The following SLC24A3 variants were observed in gnomAD, a reference collection of about 807,000 sequenced individuals.
SLC24A3 encodes sodium/potassium/calcium exchanger 3.
In SLC24A3, 28 loss-of-function variants were observed where a neutral mutation model predicts 75.8. That is an observed-to-expected ratio of 0.37 (90% CI 0.27 to 0.51). SLC24A3 has a LOEUF of 0.51. Ranked by LOEUF, SLC24A3 falls within the 20% of genes least tolerant of loss-of-function variation. SLC24A3 has a pLI of 0.94. For synonymous variants in SLC24A3, 372 were observed against 334.1 expected, an observed-to-expected ratio of 1.11 and a Z score of -1.24; for missense variants, 663 against 847.8, an observed-to-expected ratio of 0.78 and a Z score of 2.71.
intron 11 of SLC24A3, 37 bp downstream of exon 11, chr20:19,684,373 G>C (rs758681646): frequency 6.3e-7 from 1 of 1,587,138 alleles, no homozygotes; most frequent in South Asian, 1.1e-5. Context: ...CCACTGGACA[G>C]GGGTGGGAAA....
At chr20:19,445,054 A>AG (rs1338460892) in intron 2 of SLC24A3, among the ~76,000 whole-genome samples, 2 of 152,210 alleles carry the variant, frequency 1.3e-5, no homozygotes, top group African/African-American at 2.4e-5. Context: ...AAAAATACAA[A>AG]GATAACACAC....
At chr20:19,547,607 G>A (rs1032180686) in intron 3 of SLC24A3, among the ~76,000 whole-genome samples, 9 of 152,180 alleles carry the variant, frequency 5.9e-5, no homozygotes, top group African/African-American at 1.9e-4. Context: ...GCGTTCACTC[G>A]GCTGCTGTCA....
chr20:19,314,162 G>T (rs934336528), intron 2 of SLC24A3, among the ~76,000 whole-genome samples: 5 of 152,066 alleles, frequency 3.3e-5, no homozygotes, highest in Non-Finnish European at 5.9e-5. Context: ...TTGCTGTAAG[G>T]TCCCAGGCCT....
chr20:19,251,739 T>A (rs947734991), intron 1 of SLC24A3, among the ~76,000 whole-genome samples: 1 of 152,260 alleles, frequency 6.6e-6, no homozygotes, highest in Non-Finnish European at 1.5e-5. Flanking sequence ...CCTCTCAGTT[T>A]GTCTGTGCTG....
chr20:19,428,482 G>A (rs1987050005), intron 2 of SLC24A3, among the ~76,000 whole-genome samples: 1 of 152,214 alleles, frequency 6.6e-6, no homozygotes. Flanking sequence ...GGATGTGGAG[G>A]AAGTTCCACA....
chr20:19,403,550 T>C (rs1340228139), intron 2 of SLC24A3, among the ~76,000 whole-genome samples: 1 of 152,188 alleles, frequency 6.6e-6, no homozygotes. Flanking sequence ...TATTTAATTA[T>C]AGTATAACTA....
At chr20:19,440,779 C>A (rs926485709) in intron 2 of SLC24A3, among the ~76,000 whole-genome samples, 3 of 151,662 alleles carry the variant, frequency 2.0e-5, no homozygotes, top group African/African-American at 7.3e-5. Context: ...ATGAGAGTGT[C>A]CAGGGTTCTG....
chr20:19,496,167 A>G (rs1266314875), intron 2 of SLC24A3, among the ~76,000 whole-genome samples: 1 of 152,120 alleles, frequency 6.6e-6, no homozygotes, highest in Non-Finnish European at 1.5e-5. Context: ...TGGCTTCTGC[A>G]CTTCTGGCCT....
chr20:19,356,418 C>T (rs1276816619), intron 2 of SLC24A3, among the ~76,000 whole-genome samples: 3 of 152,166 alleles, frequency 2.0e-5, no homozygotes, highest in Non-Finnish European at 2.9e-5. Context: ...TGTTTTTAAA[C>T]TTTGAGTGAA....
At chr20:19,668,075 A>G (rs1427589516) in intron 8 of SLC24A3, among the ~76,000 whole-genome samples, 3 of 144,460 alleles carry the variant, frequency 2.1e-5, no homozygotes, top group Non-Finnish European at 4.5e-5. Context: ...CTTCCAGGGA[A>G]GAATTGGCCT....
At chr20:19,225,803 A>T (rs1269617610) in intron 1 of SLC24A3, among the ~76,000 whole-genome samples, 1 of 152,148 alleles carries the variant, frequency 6.6e-6, no homozygotes, top group East Asian at 1.9e-4. Flanking sequence ...ATTCCACTAT[A>T]CAGATGTACA....
intron 1 of SLC24A3, among the ~76,000 whole-genome samples, chr20:19,269,495 G>C (rs6081556): frequency 1.3e-5 from 2 of 152,230 alleles, no homozygotes; most frequent in African/African-American, 4.8e-5. Context: ...TCTGAAAGGC[G>C]ATTTCAATTT....
chr20:19,711,609 C>T (rs1161783969), intron 15 of SLC24A3, among the ~76,000 whole-genome samples: 1 of 152,244 alleles, frequency 6.6e-6, no homozygotes, highest in Admixed American at 6.5e-5. Flanking sequence ...CACAAACACA[C>T]ACACCCATGC....
intron 1 of SLC24A3, among the ~76,000 whole-genome samples, chr20:19,277,547 A>G (rs1453574300): frequency 1.3e-5 from 2 of 152,194 alleles, no homozygotes; most frequent in African/African-American, 4.8e-5. Flanking sequence ...TCTCTGTGGG[A>G]AGGAAATGGA....
chr20:19,251,811 C>T (rs1413740485), intron 1 of SLC24A3, among the ~76,000 whole-genome samples: 1 of 152,118 alleles, frequency 6.6e-6, no homozygotes, highest in Non-Finnish European at 1.5e-5. Flanking sequence ...GAGGAGCAGT[C>T]ATCAGGACAC....
chr20:19,494,609 C>T (rs758367261), intron 2 of SLC24A3, among the ~76,000 whole-genome samples: 2 of 152,074 alleles, frequency 1.3e-5, no homozygotes, highest in Non-Finnish European at 2.9e-5. Context: ...TTTTTGGTGT[C>T]TAATTCAAAT....
chr20:19,285,615 A>G (rs1286627282), intron 2 of SLC24A3, among the ~76,000 whole-genome samples: 3 of 150,708 alleles, frequency 2.0e-5, no homozygotes, highest in Non-Finnish European at 1.5e-5. Context: ...CCGGGCTCCA[A>G]CTTTTCTTTG....
chr20:19,225,774 CT>C (rs1981853445), intron 1 of SLC24A3, among the ~76,000 whole-genome samples: 1 of 152,130 alleles, frequency 6.6e-6, no homozygotes, highest in Non-Finnish European at 1.5e-5. Context: ...TAGTTCATTC[CT>C]TTTTATGGCT....
intron 2 of SLC24A3, among the ~76,000 whole-genome samples, chr20:19,298,950 G>C (rs147485593): frequency 6.6e-6 from 1 of 152,326 alleles, no homozygotes; most frequent in Non-Finnish European, 1.5e-5. Context: ...CGTCCAGCCT[G>C]CCCCTCACAC....
Sources: gnomAD v4.1 joint callset for allele counts (sites outside exome capture counted in the v4.1 genomes callset) on GRCh38, gnomAD v4.1.1 for gene constraint, MANE v1.5 for transcripts, NCBI Gene and HGNC (gene_info 2026-07-23, HGNC 2026-07-21) for gene names.